WWOX: variants seen among roughly 807,000 people sequenced by gnomAD.
The protein encoded by WWOX is WW domain-containing oxidoreductase.
WWOX carries 69 observed loss-of-function variants against 46.2 expected under a neutral mutation model. The observed-to-expected ratio is 1.49, with a 90% CI of 1.23 to 1.82. The LOEUF (loss-of-function observed/expected upper bound fraction) is 1.82. Ranked by LOEUF, WWOX falls within the 40% of genes most tolerant of loss-of-function variation. The probability of loss-of-function intolerance (pLI) is 0.00; values close to 1 mark genes in which losing one functional copy is unlikely to be tolerated. For synonymous variants in WWOX, 359 were observed against 202.6 expected, an observed-to-expected ratio of 1.77 and a Z score of -6.56; for missense variants, 919 against 542.6, an observed-to-expected ratio of 1.69 and a Z score of -6.89.
At chr16:78,517,855 A>ATTT (rs11342538) in intron 8 of WWOX, among the ~76,000 whole-genome samples, 6 of 86,394 alleles carry the variant, frequency 6.9e-5, no homozygotes, top group Admixed American at 1.5e-4. Flanking sequence ...TACACAACCT[A>ATTT]TTTTTTTTTT....
intron 8 of WWOX, among the ~76,000 whole-genome samples, chr16:78,455,316 A>G (rs889463870): frequency 1.3e-5 from 2 of 152,120 alleles, no homozygotes; most frequent in African/African-American, 4.8e-5. Context: ...AACCTCAGTA[A>G]TGAAGATAAA....
intron 8 of WWOX, among the ~76,000 whole-genome samples, chr16:78,830,444 A>C (rs907783278): frequency 1.3e-5 from 2 of 152,040 alleles, no homozygotes; most frequent in Non-Finnish European, 2.9e-5. Context: ...TTTTCTAAGA[A>C]GTGGTAGTAC....
intron 8 of WWOX, among the ~76,000 whole-genome samples, chr16:78,469,585 G>C (rs948934773): frequency 3.3e-5 from 5 of 152,294 alleles, no homozygotes; most frequent in African/African-American, 1.2e-4. Context: ...AAGGGGTCTA[G>C]TTAAGAGATG....
intron 5 of WWOX, among the ~76,000 whole-genome samples, chr16:78,326,050 A>G (rs2080605530): frequency 6.6e-6 from 1 of 152,134 alleles, no homozygotes; most frequent in Non-Finnish European, 1.5e-5. Context: ...ACCCTTAAGC[A>G]GAAGGGGGAG....
intron 8 of WWOX, among the ~76,000 whole-genome samples, chr16:78,483,063 C>G (rs893283681): frequency 3.9e-5 from 6 of 152,172 alleles, no homozygotes; most frequent in Non-Finnish European, 7.3e-5. Flanking sequence ...CCTCTTCAAC[C>G]TACCTTTTGT....
At chr16:78,659,364 G>C (rs766056378) in intron 8 of WWOX, among the ~76,000 whole-genome samples, 1 of 151,972 alleles carries the variant, frequency 6.6e-6, no homozygotes, top group African/African-American at 2.4e-5. Flanking sequence ...GTCCCCAAGC[G>C]ACAACATCAG....
chr16:78,735,811 A>C (rs560022425), intron 8 of WWOX, among the ~76,000 whole-genome samples: 1 of 139,450 alleles, frequency 7.2e-6, no homozygotes, highest in African/African-American at 2.8e-5. Context: ...GGATCTGGTC[A>C]AGGCTTTGTG....
chr16:78,383,931 C>T (rs1438423071), intron 5 of WWOX, among the ~76,000 whole-genome samples: 1 of 152,128 alleles, frequency 6.6e-6, no homozygotes, highest in Admixed American at 6.5e-5. Context: ...TTCTGATTTT[C>T]TTCTTATTGA....
At chr16:78,394,829 C>G (rs8059725) in intron 6 of WWOX, among the ~76,000 whole-genome samples, 1 of 152,216 alleles carries the variant, frequency 6.6e-6, no homozygotes, top group Non-Finnish European at 1.5e-5. Flanking sequence ...TGGGCAACAA[C>G]CTGTATGCCC....
At chr16:78,827,349 A>T (rs1262704054) in intron 8 of WWOX, among the ~76,000 whole-genome samples, 1 of 152,108 alleles carries the variant, frequency 6.6e-6, no homozygotes, top group African/African-American at 2.4e-5. Flanking sequence ...ACCATTTTAC[A>T]GATGAGGAAG....
At chr16:78,897,214 A>G (rs2044721043) in intron 8 of WWOX, 1 of 126,340 alleles carries the variant, frequency 7.9e-6, no homozygotes, top group African/African-American at 3.0e-5. Flanking sequence ...GCTGCACTCT[A>G]GCCTGGGTGA....
chr16:78,608,783 A>G (rs188525570), intron 8 of WWOX, among the ~76,000 whole-genome samples: 69 of 152,230 alleles, frequency 4.5e-4, no homozygotes, highest in Non-Finnish European at 9.9e-4. Flanking sequence ...CCTGCCCTCC[A>G]GGGGTTCCTG....
At chr16:78,308,471 A>C (rs1339789682) in intron 5 of WWOX, among the ~76,000 whole-genome samples, 1 of 152,180 alleles carries the variant, frequency 6.6e-6, no homozygotes, top group African/African-American at 2.4e-5. Flanking sequence ...TCTTTATAGC[A>C]ATAAGATACC....
chr16:78,614,098 G>C (rs1004679514), intron 8 of WWOX, among the ~76,000 whole-genome samples: 3 of 152,204 alleles, frequency 2.0e-5, no homozygotes, highest in African/African-American at 7.2e-5. Flanking sequence ...CCTGGAGGTA[G>C]CACCTTGTAA....
chr16:78,305,573 C>A (rs1255144574), intron 5 of WWOX, among the ~76,000 whole-genome samples: 1 of 152,030 alleles, frequency 6.6e-6, no homozygotes, highest in African/African-American at 2.4e-5. Context: ...CATTCCCGTT[C>A]CAGTCATCTT....
At chr16:78,889,742 C>T (rs1275549357) in intron 8 of WWOX, among the ~76,000 whole-genome samples, 4 of 152,064 alleles carry the variant, frequency 2.6e-5, no homozygotes, top group East Asian at 1.9e-4. Flanking sequence ...TTAACTTGTG[C>T]GATATAGTTC....
chr16:78,131,705 C>T (rs2033600509), intron 4 of WWOX, among the ~76,000 whole-genome samples: 1 of 151,972 alleles, frequency 6.6e-6, no homozygotes, highest in African/African-American at 2.4e-5. Flanking sequence ...CCTCAGCCTC[C>T]TGAGTAGCTG....
chr16:78,422,225 G>A (rs1469428904), intron 6 of WWOX, among the ~76,000 whole-genome samples: 9 of 152,164 alleles, frequency 5.9e-5, no homozygotes, highest in East Asian at 3.9e-4. Context: ...GCATATATTC[G>A]TCACTTTTGT....
At chr16:78,990,150 C>T (rs1452042840) in intron 8 of WWOX, among the ~76,000 whole-genome samples, 1 of 146,948 alleles carries the variant, frequency 6.8e-6, no homozygotes, top group African/African-American at 2.6e-5. Flanking sequence ...TGCCACTGCA[C>T]ACCAGCCTGG....
Sources: allele counts gnomAD v4.1 joint callset (sites outside exome capture counted in the v4.1 genomes callset), GRCh38; gene constraint gnomAD v4.1.1; transcripts MANE v1.5; gene names NCBI Gene and HGNC (gene_info 2026-07-23, HGNC 2026-07-21).